CRAMP1: variants seen among roughly 807,000 people sequenced by gnomAD.
The protein encoded by CRAMP1 is cramped chromatin regulator 1, also known as protein cramped-like.
A neutral mutation model predicts 115.4 loss-of-function variants in CRAMP1; 50 were observed. That is an observed-to-expected ratio of 0.43 (90% CI 0.35 to 0.55). CRAMP1 has a LOEUF of 0.55. Ranked by LOEUF, CRAMP1 falls within the 20% of genes least tolerant of loss-of-function variation. The pLI is 0.01. For missense variants in CRAMP1, 1,679 were observed against 1,721.7 expected, an observed-to-expected ratio of 0.98 and a Z score of 0.44; for synonymous variants, 866 against 745.4, an observed-to-expected ratio of 1.16 and a Z score of -2.64.
Position 1,662,579 on chromosome 16 carries a change from A to G in CRAMP1, c.2503A>G (p.Thr835Ala). The G allele has an allele frequency of 1.2e-6, 2 of 1,613,930 alleles. No individual in the cohort carries two copies. The highest frequency in any genetic ancestry group is 1.6e-4 in the Middle Eastern group (1 of 6,062). Residue 835 changes from threonine to alanine, a missense_variant, in exon 12 of 21, where the codon ACA becomes GCA. By Grantham distance (58) the Thr-to-Ala change is moderately conservative. Coordinates refer to ENST00000397412, the MANE Select transcript of CRAMP1 (RefSeq NM_020825.4). ...AGATGGAGGCCTTTTTGCTGTCCCG[A>G]CAACCTTGCCACCCAACAGCCGACA... ...DSDGGLFAVP[T>A]TLPPNSRHGK...
chr16:1,635,859 G>A (rs571386589), intron 4 of CRAMP1, among the ~76,000 whole-genome samples: 1 of 152,136 alleles, frequency 6.6e-6, no homozygotes, highest in Non-Finnish European at 1.5e-5. Context: ...TCTATGGATC[G>A]TTCTACTCTG....
rs1013213451 is a variant in CRAMP1 at position 1,675,624 on chromosome 16, C to T, written c.*1579C>T. 1 of 152,350 alleles carries T rather than the reference C, an allele frequency of 6.6e-6. No individual in the cohort carries two copies. The highest frequency in any genetic ancestry group is 1.9e-4 in the East Asian group (1 of 5,200). 9.4% of individuals were successfully genotyped at this position (152,350 alleles called of 1,614,324 possible). On this transcript the variant is annotated 3_prime_UTR_variant, in exon 21 of 21. Coordinates refer to ENST00000397412, the MANE Select transcript of CRAMP1 (RefSeq NM_020825.4). ...TCCGTCCTGCAGTCTTGCCAGCCCA[C>T]CACAGCCACTGTAGACCACAGGCAG...
intron 2 of CRAMP1, among the ~76,000 whole-genome samples, chr16:1,625,274 C>A (rs996194662): frequency 6.6e-6 from 1 of 152,110 alleles, no homozygotes; most frequent in African/African-American, 2.4e-5. Flanking sequence ...CCAGGGTTCT[C>A]GGTCCACAGC....
intron 6 of CRAMP1, among the ~76,000 whole-genome samples, chr16:1,647,242 G>A (rs545311233): frequency 6.6e-6 from 1 of 152,306 alleles, no homozygotes; most frequent in South Asian, 2.1e-4. Context: ...ATTGAGTAAA[G>A]CTCTAAACTA....
chr16:1,670,334 G>C (rs1471217474), intron 19 of CRAMP1: 4 of 303,180 alleles, frequency 1.3e-5, no homozygotes, highest in Non-Finnish European at 2.5e-5. Context: ...ATGGGGGTGG[G>C]GATGGCAGTG....
At position 1,625,975 on chromosome 16, in the gene CRAMP1, G is replaced by A; in HGVS notation, c.349G>A (p.Ala117Thr). ...AGGSGPRGKGAEGGGSSSGNV... is the reference protein window; with the variant it reads ...AGGSGPRGKGTEGGGSSSGNV... ...CTGTACGGTGCTTTCTCTCCAAGGAGCTGAAGGTGGTGGATCATCGTCTGG... is the reference window on the plus strand; with the variant it reads ...CTGTACGGTGCTTTCTCTCCAAGGAACTGAAGGTGGTGGATCATCGTCTGG... Residue 117 changes from alanine to threonine, a missense_variant and splice_region_variant, in exon 3 of 21, where the codon GCT (alanine) becomes ACT (threonine). By Grantham distance (58) the Ala-to-Thr change is moderately conservative. Around this residue, in one of 8 missense-constraint regions of CRAMP1, gnomAD observed 264 missense variants for 229.7 expected, o/e 1.15. Transcript: ENST00000397412. 1 of 1,551,618 alleles carries A rather than the reference G, an allele frequency of 6.4e-7. No individual in the cohort carries two copies. Among genetic ancestry groups the A allele is most frequent in the Non-Finnish European group, 8.7e-7 (1 of 1,146,962 alleles).
At chr16:1,646,822 A>C (rs987109000) in intron 6 of CRAMP1, among the ~76,000 whole-genome samples, 1 of 152,228 alleles carries the variant, frequency 6.6e-6, no homozygotes, top group African/African-American at 2.4e-5. Context: ...GCTTTGAATT[A>C]ACTTTTGTGT....
rs2036899333 is a variant in CRAMP1 at position 1,668,987 on chromosome 16, ATCTTGGTTG to A, written c.3335-13_3335-5del. ...CGCAACAAGGCGTTTCTGATCTGGG[ATCTTGGTTG>A]GCAGGTGAAGGAGTCCCTCTTTCTC... On this transcript the variant is annotated splice_region_variant and splice_polypyrimidine_tract_variant and intron_variant, in intron 18 of 20. Coordinates refer to ENST00000397412, the MANE Select transcript of CRAMP1 (RefSeq NM_020825.4). 6.2e-7 allele frequency: 1 copy of A among 1,612,340 alleles called. No individual in the cohort carries two copies. Among genetic ancestry groups the A allele is most frequent in the African/African-American group, 1.3e-5 (1 of 74,816 alleles).
chr16:1,616,056 C>T (rs2036416379), intron 2 of CRAMP1, among the ~76,000 whole-genome samples: 1 of 152,160 alleles, frequency 6.6e-6, no homozygotes, highest in Non-Finnish European at 1.5e-5. Context: ...GGAATCATGG[C>T]CTTACTCATT....
At chr16:1,673,171 G>A (rs1025940385) in intron 20 of CRAMP1, among the ~76,000 whole-genome samples, 3 of 148,530 alleles carry the variant, frequency 2.0e-5, no homozygotes, top group Non-Finnish European at 4.4e-5. Context: ...TGACGGGAAC[G>A]TGTCCCCCAC....
rs562362659 is a variant in CRAMP1, at chr16:1,675,273, G to T, written c.*1228G>T. On this transcript the variant is annotated 3_prime_UTR_variant, in exon 21 of 21. Transcript: ENST00000397412. ...GGGCCCCTTTGCCTTCTCATCCTCA[G>T]GAGTTCCAGGCACATGAGTCACCGT... is the stretch of plus-strand genomic sequence containing the variant. The T allele has an allele frequency of 6.6e-6, 1 of 152,376 alleles. No homozygotes were observed. The highest frequency in any genetic ancestry group is 1.5e-5 in the Non-Finnish European group (1 of 68,164). 9.4% of individuals were successfully genotyped at this position (152,376 alleles called of 1,614,324 possible).
intron 2 of CRAMP1, chr16:1,620,764 C>T: frequency 2.2e-6 from 1 of 449,634 alleles, no homozygotes; most frequent in Non-Finnish European, 4.5e-6. Flanking sequence ...CACCACGACC[C>T]TGATCCTCCA....
Position 1,666,466 on chromosome 16 carries a change from A to T in CRAMP1, c.2902A>T (p.Asn968Tyr), listed in dbSNP as rs765042149. The change falls in exon 16 of 21, where the codon AAC becomes TAC. Residue 968 changes from asparagine (N) to tyrosine (Y), a missense_variant. Asn to Tyr is a moderately radical substitution (Grantham distance 143, BLOSUM62 -2). Transcript: ENST00000397412. This position sits in a 1 kb window ranked among gnomAD's most constrained non-coding sequence, Gnocchi z 5.0. ...AATSAGILSGNPLPALDTEGL... is the reference protein window; with the variant it reads ...AATSAGILSGYPLPALDTEGL... Reference sequence around the variant, plus strand: ...TACAAGTGCCGGCATCCTTTCCGGGAACCCCCTCCCTGCCTTGGACACCGA... The same window carrying T: ...TACAAGTGCCGGCATCCTTTCCGGGTACCCCCTCCCTGCCTTGGACACCGA... 3.7e-6 allele frequency: 6 copies of T among 1,613,810 alleles called. No individual in the cohort carries two copies. Among genetic ancestry groups the T allele is most frequent in the Non-Finnish European group, 5.1e-6 (6 of 1,179,832 alleles).
At chr16:1,625,917 C>T in intron 2 of CRAMP1, 56 bp from the exon 3 acceptor site, 6 of 1,533,808 alleles carry the variant, frequency 3.9e-6, no homozygotes, top group East Asian at 2.5e-5. Flanking sequence ...GCCCTCTACC[C>T]TGCCCAGCCC....
chr16:1,648,494 A>C (rs979225072), intron 6 of CRAMP1, among the ~76,000 whole-genome samples: 2 of 151,830 alleles, frequency 1.3e-5, no homozygotes, highest in Non-Finnish European at 2.9e-5. Flanking sequence ...AGTCCCAGCT[A>C]CTTGGGAGGC....
intron 6 of CRAMP1, among the ~76,000 whole-genome samples, chr16:1,647,260 A>AG (rs1313446628): frequency 6.6e-6 from 1 of 152,226 alleles, no homozygotes; most frequent in Non-Finnish European, 1.5e-5. Context: ...CTAAAGTGAA[A>AG]GCTTACTACG....
chr16:1,614,832 G>GCGCCGCAGGCGCCGTCCC lies in CRAMP1; in HGVS notation c.203_220dup (p.Ala68_Gln73dup), dbSNP rs951018716. On this transcript the variant is annotated inframe_insertion, in exon 2 of 21. Transcript: ENST00000397412. The surrounding 1 kb of genome is among the most constrained non-coding windows in gnomAD (Gnocchi z 4.4). ...CGACGGCCCCCCCGCGCCCCCCGGC[G>GCGCCGCAGGCGCCGTCCC]CGCCGCAGGCGCCGTCCCCGCCGCA... The GCGCCGCAGGCGCCGTCCC allele has an allele frequency of 6.3e-6, 8 of 1,269,802 alleles. No individual in the cohort carries two copies. In the East Asian group the frequency reaches 1.9e-4, roughly 30 times the overall value. The allele number at this position is 1,269,802 out of a possible 1,614,324, so 78.7% of individuals were successfully genotyped here.
At chr16:1,668,346 C>T (rs889121492) in intron 18 of CRAMP1, among the ~76,000 whole-genome samples, 153 bp downstream of exon 18, 4 of 152,208 alleles carry the variant, frequency 2.6e-5, no homozygotes, top group Non-Finnish European at 5.9e-5. Context: ...CCAGCAGGGA[C>T]CTTGCAGGTG....
At chr16:1,615,047 G>C in intron 2 of CRAMP1, 62 bp downstream of exon 2, 2 of 1,024,478 alleles carry the variant, frequency 2.0e-6, no homozygotes, top group African/African-American at 1.7e-5. Context: ...GCGGGGGAGA[G>C]GAACCCCTCG....
Sources: gnomAD v4.1 joint callset for allele counts (sites outside exome capture counted in the v4.1 genomes callset) on GRCh38, gnomAD v4.1.1 for gene constraint, gnomAD v4.1.1 regional missense constraint, Gnocchi (gnomAD v3.1) non-coding constraint, MANE v1.5 for transcripts, NCBI Gene and HGNC (gene_info 2026-07-23, HGNC 2026-07-21) for gene names.